The following NFATC2 variants were observed in gnomAD, a reference collection of about 807,000 sequenced individuals.
NFATC2 encodes the protein nuclear factor of activated T cells 2.
A neutral mutation model predicts 87.3 loss-of-function variants in NFATC2; 22 were observed. That is an observed-to-expected ratio of 0.25 (90% CI 0.18 to 0.36). NFATC2 has a LOEUF of 0.36. NFATC2 is among the 10% of genes least tolerant of loss of function. The probability of loss-of-function intolerance (pLI) is 1.00; values close to 1 mark genes in which losing one functional copy is unlikely to be tolerated. For missense variants in NFATC2, 1,149 were observed against 1,259.1 expected (o/e 0.91, Z 1.32); for synonymous variants, 565 against 542.2 (o/e 1.04, Z -0.58).
chr20:51,411,732 TG>T (rs1979291358), intron 9 of NFATC2, among the ~76,000 whole-genome samples: 1 of 152,066 alleles, frequency 6.6e-6, no homozygotes, highest in Non-Finnish European at 1.5e-5. Context: ...TTCAACATGT[TG>T]GCCAGCCTGG....
At chr20:51,526,390 G>A (rs1264813483) in intron 1 of NFATC2, among the ~76,000 whole-genome samples, 1 of 152,080 alleles carries the variant, frequency 6.6e-6, no homozygotes, top group Admixed American at 6.5e-5. Context: ...GGAACCGAAT[G>A]GCCCCCAAAG....
chr20:51,422,498 A>G (rs1046786964), intron 9 of NFATC2, among the ~76,000 whole-genome samples: 6 of 152,174 alleles, frequency 3.9e-5, no homozygotes, highest in Admixed American at 3.9e-4. Flanking sequence ...TAAAAAATTA[A>G]AGAGGTGTCA....
At chr20:51,417,780 T>C (rs1330360235) in intron 9 of NFATC2, among the ~76,000 whole-genome samples, 1 of 152,168 alleles carries the variant, frequency 6.6e-6, no homozygotes, top group African/African-American at 2.4e-5. Flanking sequence ...ACATACTCAG[T>C]GGATATCTGT....
intron 3 of NFATC2, among the ~76,000 whole-genome samples, chr20:51,487,248 T>C (rs1204599844): frequency 2.0e-5 from 3 of 152,206 alleles, no homozygotes; most frequent in Non-Finnish European, 4.4e-5. Context: ...CATCTGGCCC[T>C]GACCGTGCCC....
intron 9 of NFATC2, among the ~76,000 whole-genome samples, chr20:51,423,298 A>G (rs1981248129): frequency 6.6e-6 from 1 of 150,556 alleles, no homozygotes; most frequent in African/African-American, 2.4e-5. Flanking sequence ...TCTCAAAAAA[A>G]AAAAAAAAAA....
chr20:51,433,304 A>G (rs1303115636), intron 8 of NFATC2, among the ~76,000 whole-genome samples: 1 of 152,180 alleles, frequency 6.6e-6, no homozygotes, highest in East Asian at 1.9e-4. Flanking sequence ...GATATTTTCT[A>G]GACAAAGGAA....
chr20:51,468,781 G>A (rs1415410831), intron 5 of NFATC2, among the ~76,000 whole-genome samples: 1 of 152,236 alleles, frequency 6.6e-6, no homozygotes, highest in Non-Finnish European at 1.5e-5. Context: ...AGAGCACAAA[G>A]GGGGGCACCC....
rs117978080 is a variant in NFATC2 at position 51,514,451 on chromosome 20, T to C, written c.1332+2333A>G. On this transcript the variant is annotated intron_variant, in intron 3 of 10. Coordinates refer to ENST00000371564, the MANE Select transcript of NFATC2 (RefSeq NM_012340.5). ...ACAATGAAGAATAAGAAGGAAGTTG[T>C]GGTCTCTTTTAAACAAAGCTCATGG... is the stretch of plus-strand genomic sequence containing the variant. 6.0e-3 allele frequency among the ~76,000 whole-genome samples: 921 copies of C among 152,346 alleles called. 7 individuals are homozygous for C. Among genetic ancestry groups the C allele is most frequent in the Non-Finnish European group, 0.011 (734 of 68,028 alleles).
Position 51,542,531 on chromosome 20 carries a change from G to C in NFATC2, c.-32C>G, listed in dbSNP as rs1218805779. 7.4e-7 allele frequency: 1 copy of C among 1,354,702 alleles called. No homozygotes were observed. Among genetic ancestry groups the C allele is most frequent in the African/African-American group, 1.5e-5 (1 of 64,842 alleles). The allele number at this position is 1,354,702 out of a possible 1,614,324, so 83.9% of individuals were successfully genotyped here. ...CAGGGCGGGAAGGCTGCGGGGCCGGGGGCGAGGGCGGGCGCGGCTGGCTCT... is the reference window on the plus strand; with the variant it reads ...CAGGGCGGGAAGGCTGCGGGGCCGGCGGCGAGGGCGGGCGCGGCTGGCTCT... On this transcript the variant is annotated 5_prime_UTR_variant, in exon 1 of 11. Coordinates refer to ENST00000371564, the MANE Select transcript of NFATC2 (RefSeq NM_012340.5).
intron 3 of NFATC2, among the ~76,000 whole-genome samples, chr20:51,505,730 G>A (rs972450964): frequency 6.6e-6 from 1 of 152,036 alleles, no homozygotes; most frequent in African/African-American, 2.4e-5. Context: ...AGTTTCCCAG[G>A]CTGCAGGCTG....
intron 3 of NFATC2, among the ~76,000 whole-genome samples, chr20:51,511,472 A>G (rs1399458990): frequency 6.6e-6 from 1 of 152,238 alleles, no homozygotes; most frequent in African/African-American, 2.4e-5. Flanking sequence ...CTCCAAGCTC[A>G]TATATCCAAC....
intron 6 of NFATC2, among the ~76,000 whole-genome samples, chr20:51,453,484 A>G (rs1171028795): frequency 6.6e-6 from 1 of 152,246 alleles, no homozygotes; most frequent in African/African-American, 2.4e-5. Context: ...CATGTCTGTT[A>G]AGGAAAAGGA....
At chr20:51,494,126 G>A (rs964065244) in intron 3 of NFATC2, among the ~76,000 whole-genome samples, 2 of 151,846 alleles carry the variant, frequency 1.3e-5, no homozygotes, top group African/African-American at 2.4e-5. Flanking sequence ...CAGGCAGCTC[G>A]GTCACCGTTA....
chr20:51,405,054 T>C (rs1988424581), intron 9 of NFATC2, among the ~76,000 whole-genome samples: 1 of 152,130 alleles, frequency 6.6e-6, no homozygotes, highest in African/African-American at 2.4e-5. Context: ...GAGGAGAGCA[T>C]GTCACTGGCA....
Position 51,454,555 on chromosome 20 carries a change from C to A in NFATC2, c.1842G>T (p.Lys614Asn). The A allele has an allele frequency of 6.2e-7, 1 of 1,614,056 alleles. No homozygotes were observed. Among genetic ancestry groups the A allele is most frequent in the Non-Finnish European group, 8.5e-7 (1 of 1,180,012 alleles). ...TSESKVVFTE[K>N]TTDGQQIWEM... Reference sequence around the variant, plus strand: ...GCTCAAAAATCCACTGACCTGTGGTCTTCTCAGTAAACACAACTTTGGACT... The same window carrying A: ...GCTCAAAAATCCACTGACCTGTGGTATTCTCAGTAAACACAACTTTGGACT... The change falls in exon 6 of 11, where the codon AAG (lysine) becomes AAT (asparagine). Residue 614 changes from lysine to asparagine, a missense_variant. By Grantham distance (94) the Lys-to-Asn change is moderately conservative (BLOSUM62 0). Coordinates refer to ENST00000371564, the MANE Select transcript of NFATC2 (RefSeq NM_012340.5).
intron 3 of NFATC2, among the ~76,000 whole-genome samples, chr20:51,481,167 T>C (rs932157407): frequency 3.9e-5 from 6 of 152,172 alleles, no homozygotes; most frequent in African/African-American, 4.8e-5. Flanking sequence ...CCTCGCCAGG[T>C]CCCTGGAGGT....
chr20:51,524,001 G>C lies in NFATC2; in HGVS notation c.240C>G (p.Gly80=), dbSNP rs745343071. 6 of 1,566,976 alleles carry C rather than the reference G, an allele frequency of 3.8e-6. 1 individual carries two copies. The South Asian group carries it at 7.1e-5, about 19-fold the overall frequency. Residue 80 remains glycine (G), a synonymous_variant, in exon 2 of 11, where the codon GGC becomes GGG. Coordinates refer to ENST00000371564, the MANE Select transcript of NFATC2 (RefSeq NM_012340.5). The surrounding 1 kb of genome is among the most constrained non-coding windows in gnomAD (Gnocchi z 4.0). The part of the protein sequence containing the change: ...KPYSPLASLS[G]EPPGRFGEPD... The stretch of plus-strand genomic sequence containing the variant: ...GCTCTCCGAATCGGCCGGGGGGCTC[G>C]CCAGAGAGACTAGCAAGGGGGCTGT...
At chr20:51,406,008 C>A (rs571222656) in intron 9 of NFATC2, among the ~76,000 whole-genome samples, 31 of 152,286 alleles carry the variant, frequency 2.0e-4, no homozygotes, top group African/African-American at 6.5e-4. Context: ...AACTCCTGAC[C>A]TCAGGTGATC....
At chr20:51,454,219 C>G (rs1288685210) in intron 6 of NFATC2, among the ~76,000 whole-genome samples, 1 of 152,138 alleles carries the variant, frequency 6.6e-6, no homozygotes, top group East Asian at 1.9e-4. Context: ...TATCACTGTG[C>G]TGTTTGGCCT....
Sources: gnomAD v4.1 joint callset for allele counts (sites outside exome capture counted in the v4.1 genomes callset) on GRCh38, gnomAD v4.1.1 for gene constraint, Gnocchi (gnomAD v3.1) non-coding constraint, MANE v1.5 for transcripts, NCBI Gene and HGNC (gene_info 2026-07-23, HGNC 2026-07-21) for gene names.